ABHD3: variants seen among roughly 807,000 people sequenced by gnomAD.
ABHD3 encodes the protein abhydrolase domain containing 3, phospholipase, also known as phospholipase ABHD3.
Under a neutral mutation model 48.8 loss-of-function variants are expected in ABHD3, and 46 were observed. That is an observed-to-expected ratio of 0.94 (90% confidence interval 0.74 to 1.20). ABHD3 has a LOEUF of 1.20. ABHD3 is among the 50% of genes most tolerant of loss of function. The pLI is 0.00. For missense variants in ABHD3, 490 were observed against 497.8 expected (o/e 0.98, Z 0.15); for synonymous variants, 192 against 183.7 (o/e 1.04, Z -0.36).
At chr18:21,674,673 T>C (rs568264868) in intron 4 of ABHD3, among the ~76,000 whole-genome samples, 2 of 152,290 alleles carry the variant, frequency 1.3e-5, no homozygotes, top group East Asian at 1.9e-4. Context: ...TGGGTTGTTA[T>C]ATAGAGGAAG....
chr18:21,700,827 C>CAAAAAAAAAAAAAAAAAAAAAAAAA (rs375239917), intron 3 of ABHD3, among the ~76,000 whole-genome samples: 4 of 94,378 alleles, frequency 4.2e-5, no homozygotes, highest in African/African-American at 1.4e-4. Flanking sequence ...AAGTTTTAGC[C>CAAAAAAAAAAAAAAAAAAAAAAAAA]AAAAAAAAAA....
intron 1 of ABHD3, 84 bp from the exon 2 acceptor site, chr18:21,703,831 T>TCG (rs1598572101): frequency 2.7e-6 from 4 of 1,482,850 alleles, no homozygotes; most frequent in South Asian, 1.2e-5. Context: ...GACTTGTCGC[T>TCG]CGCGCGCGCG....
At chr18:21,698,225 G>A (rs1194832122) in intron 3 of ABHD3, among the ~76,000 whole-genome samples, 3 of 149,872 alleles carry the variant, frequency 2.0e-5, no homozygotes, top group Non-Finnish European at 4.4e-5. Context: ...TTGCTCTGTC[G>A]CCCAGCCTGG....
intron 3 of ABHD3, among the ~76,000 whole-genome samples, chr18:21,688,656 T>A (rs995963669): frequency 6.6e-6 from 1 of 152,126 alleles, no homozygotes; most frequent in Non-Finnish European, 1.5e-5. Context: ...AGTATAGGAT[T>A]CAATGTCCAA....
chr18:21,651,578 A>G lies in ABHD3; in HGVS notation c.*13T>C. The G allele has an allele frequency of 6.2e-7, 1 of 1,613,282 alleles. No homozygotes were observed. Among genetic ancestry groups the G allele is most frequent in the Non-Finnish European group, 8.5e-7 (1 of 1,179,774 alleles). ...ATTGTGGTTCAGACAAAATGCACCC[A>G]AAGAACTACATGTTAAGAGAGTTCA... On this transcript the variant is annotated 3_prime_UTR_variant, in exon 9 of 9. Transcript: ENST00000289119.
intron 3 of ABHD3, among the ~76,000 whole-genome samples, chr18:21,695,250 G>A (rs1268473875): frequency 6.6e-6 from 1 of 152,146 alleles, no homozygotes; most frequent in Non-Finnish European, 1.5e-5. Flanking sequence ...GGCTGGTTTC[G>A]AACTCTTGTC....
At chr18:21,658,925 G>A (rs1365978266) in intron 6 of ABHD3, among the ~76,000 whole-genome samples, 5 of 148,768 alleles carry the variant, frequency 3.4e-5, no homozygotes, top group African/African-American at 9.9e-5. Context: ...TGCAACCTCC[G>A]CCTCCTGGGT....
chr18:21,680,544 T>G (rs1176426418), intron 4 of ABHD3, among the ~76,000 whole-genome samples: 1 of 152,186 alleles, frequency 6.6e-6, no homozygotes, highest in South Asian at 2.1e-4. Flanking sequence ...AACAGCTTAG[T>G]GTGTTATTAG....
At chr18:21,697,275 A>G (rs144000139) in intron 3 of ABHD3, among the ~76,000 whole-genome samples, 23 of 152,068 alleles carry the variant, frequency 1.5e-4, no homozygotes, top group African/African-American at 5.1e-4. Flanking sequence ...GGGTGTCACC[A>G]TATTGGCAAG....
At chr18:21,661,539 G>A (rs1242190106) in intron 5 of ABHD3, among the ~76,000 whole-genome samples, 1 of 151,958 alleles carries the variant, frequency 6.6e-6, no homozygotes, top group African/African-American at 2.4e-5. Context: ...GCTGAAGCAG[G>A]AGAATCACTT....
chr18:21,686,308 C>T (rs1046188737), intron 3 of ABHD3, among the ~76,000 whole-genome samples: 1 of 152,164 alleles, frequency 6.6e-6, no homozygotes, highest in Non-Finnish European at 1.5e-5. Flanking sequence ...ACACAGGAAC[C>T]GGTGCTAAAG....
At chr18:21,695,081 G>A (rs2040339097) in intron 3 of ABHD3, among the ~76,000 whole-genome samples, 1 of 151,984 alleles carries the variant, frequency 6.6e-6, no homozygotes, top group South Asian at 2.1e-4. Context: ...CATCCAGGCT[G>A]GAGTGCAATG....
chr18:21,651,990 T>C (rs2039233052), intron 8 of ABHD3, among the ~76,000 whole-genome samples: 1 of 152,168 alleles, frequency 6.6e-6, no homozygotes, highest in South Asian at 2.1e-4. Flanking sequence ...TGCACAATCA[T>C]TTTGGGAAGA....
chr18:21,673,923 A>T (rs2039815282), intron 4 of ABHD3, among the ~76,000 whole-genome samples: 1 of 152,030 alleles, frequency 6.6e-6, no homozygotes. Flanking sequence ...GTATTTTTCA[A>T]TGCTTCCCAG....
At position 21,683,958 on chromosome 18, in the gene ABHD3, C is replaced by T; in HGVS notation, c.517G>A (p.Val173Ile). The T allele has an allele frequency of 1.9e-6, 3 of 1,597,680 alleles. No homozygotes were observed. Among genetic ancestry groups the T allele is most frequent in the Non-Finnish European group, 2.6e-6 (3 of 1,171,112 alleles). ...CCCGCCACTCCTCTGTTGTTAAAAACCACACATCTAAAAACCAGGAAAGCA... is the reference window on the plus strand; with the variant it reads ...CCCGCCACTCCTCTGTTGTTAAAAATCACACATCTAAAAACCAGGAAAGCA... ...LSEELGYRCV[V>I]FNNRGVAGEN... The change falls in exon 4 of 9, where the codon GTT becomes ATT. Residue 173 changes from valine (V) to isoleucine (I), a missense_variant. By Grantham distance (29) the Val-to-Ile change is conservative. Transcript: ENST00000289119.
chr18:21,660,625 C>T (rs1568138791), intron 5 of ABHD3, among the ~76,000 whole-genome samples: 1 of 151,964 alleles, frequency 6.6e-6, no homozygotes, highest in South Asian at 2.1e-4. Flanking sequence ...TTCAATTGTC[C>T]ATGTTTTGAA....
At chr18:21,664,400 A>T in intron 4 of ABHD3, 170 bp from the exon 5 acceptor site, 1 of 613,406 alleles carries the variant, frequency 1.6e-6, no homozygotes, top group Admixed American at 3.4e-5. Flanking sequence ...GCGCACATAC[A>T]TGCCATTTAA....
At chr18:21,660,357 G>A (rs1281809040) in intron 5 of ABHD3, among the ~76,000 whole-genome samples, 3 of 151,832 alleles carry the variant, frequency 2.0e-5, no homozygotes, top group Admixed American at 6.6e-5. Flanking sequence ...TTTCTGAGTT[G>A]TGGTAGAACA....
intron 3 of ABHD3, among the ~76,000 whole-genome samples, chr18:21,687,891 C>T (rs1480363184): frequency 1.3e-5 from 2 of 152,224 alleles, no homozygotes; most frequent in Admixed American, 6.5e-5. Context: ...GGATACTCAG[C>T]AGCATCTCTG....
Sources: gnomAD v4.1 joint callset for allele counts (sites outside exome capture counted in the v4.1 genomes callset) on GRCh38, gnomAD v4.1.1 for gene constraint, MANE v1.5 for transcripts, NCBI Gene and HGNC (gene_info 2026-07-23, HGNC 2026-07-21) for gene names.